Variants in HHIPL1 observed in about 807,000 individuals in gnomAD.
The protein encoded by HHIPL1 is HHIP like 1.
A neutral mutation model predicts 61.8 loss-of-function variants in HHIPL1; 43 were observed. The observed-to-expected ratio is 0.70, with a 90% confidence interval of 0.55 to 0.90. The LOEUF (loss-of-function observed/expected upper bound fraction) is 0.90. HHIPL1 is among the 40% of genes least tolerant of loss of function. HHIPL1 has a pLI of 0.00. For missense variants in HHIPL1, 1,056 were observed against 1,157.7 expected (o/e 0.91, Z 1.28); for synonymous variants, 482 against 515.8 (o/e 0.93, Z 0.89).
upstream of HHIPL1, among the ~76,000 whole-genome samples, chr14:99,642,330 G>A (rs2055762485): frequency 6.6e-6 from 1 of 151,830 alleles, no homozygotes; most frequent in South Asian, 2.1e-4. Flanking sequence ...TTACATCTTT[G>A]GAAATTGTTC....
At chr14:99,632,654 A>G in the HHIPL1 span, among the ~76,000 whole-genome samples, 22 of 151,726 alleles carry the variant, frequency 1.4e-4, no homozygotes, top group African/African-American at 5.1e-4. Context: ...ATCACCCCCA[A>G]CTCTTCTCGG....
the HHIPL1 span, among the ~76,000 whole-genome samples, chr14:99,613,681 G>A: frequency 1.3e-5 from 2 of 152,028 alleles, no homozygotes; most frequent in African/African-American, 2.4e-5. Flanking sequence ...GGCCGAGGTG[G>A]GCAGATCACT....
chr14:99,616,759 T>C, the HHIPL1 span, among the ~76,000 whole-genome samples: 2 of 152,176 alleles, frequency 1.3e-5, no homozygotes, highest in African/African-American at 4.8e-5. Context: ...GGACCTCTCC[T>C]TGCGACAATG....
At position 99,680,528 on chromosome 14, in the gene HHIPL1, C is replaced by T. The variant is rs1292192092; in HGVS notation, c.*4902C>T. The T allele has an allele frequency of 6.6e-6, 1 of 152,116 alleles. No homozygotes were observed. Among genetic ancestry groups the T allele is most frequent in the Non-Finnish European group, 1.5e-5 (1 of 68,030 alleles). 9.4% of individuals were successfully genotyped at this position (152,116 alleles called of 1,614,324 possible). A position where few individuals can be genotyped will look rare whatever the true frequency, so the allele number is the denominator to read the frequency against. On this transcript the variant is annotated 3_prime_UTR_variant, in exon 9 of 9. Transcript: ENST00000330710. ...GTGAGCCAAATAGGTAATTTAAAAT[C>T]TGCTTGTAGCCATGTTAAAAAAGTA...
intron 7 of HHIPL1, chr14:99,669,017 C>T: frequency 1.3e-6 from 2 of 1,516,248 alleles, no homozygotes; most frequent in Non-Finnish European, 1.8e-6. Context: ...AACCCCTTGG[C>T]TGTGTGCCTT....
Position 99,680,114 on chromosome 14 carries a change from G to A in HHIPL1, c.*4488G>A, listed in dbSNP as rs892642680. The A allele has an allele frequency of 3.3e-5, 5 of 152,106 alleles. No homozygotes were observed. Among genetic ancestry groups the A allele is most frequent in the Non-Finnish European group, 5.9e-5 (4 of 68,024 alleles). The allele number at this position is 152,106 out of a possible 1,614,324, so 9.4% of individuals were successfully genotyped here. A position where few individuals can be genotyped will look rare whatever the true frequency, so the allele number is the denominator to read the frequency against. On this transcript the variant is annotated 3_prime_UTR_variant, in exon 9 of 9. Coordinates refer to ENST00000330710, the MANE Select transcript of HHIPL1 (RefSeq NM_001127258.3). The stretch of plus-strand genomic sequence containing the variant: ...CTAGGGTGTTATGTAAGTGGTCCCC[G>A]GGGCTTTAGAGGCAGGTTTGCACCA...
the HHIPL1 span, among the ~76,000 whole-genome samples, chr14:99,637,210 A>AAGAG: frequency 1.2e-5 from 1 of 81,488 alleles, no homozygotes; most frequent in Non-Finnish European, 2.8e-5. Flanking sequence ...GGAAGAAAGA[A>AAGAG]AGAAAGAAAG....
chr14:99,674,354 C>T (rs2056361684), intron 8 of HHIPL1, among the ~76,000 whole-genome samples: 1 of 151,976 alleles, frequency 6.6e-6, no homozygotes, highest in Non-Finnish European at 1.5e-5. Context: ...AAGCGTGTCC[C>T]CACATTCTGC....
Position 99,660,173 on chromosome 14 carries a change from C to G in HHIPL1, c.1376-107C>G. 2.9e-6 allele frequency: 4 copies of G among 1,373,630 alleles called. No homozygotes were observed. Among genetic ancestry groups the G allele is most frequent in the Admixed American group, 2.0e-5 (1 of 50,602 alleles). The allele number at this position is 1,373,630 out of a possible 1,614,324, so 85.1% of individuals were successfully genotyped here. On this transcript the variant is annotated intron_variant, in intron 4 of 8. Coordinates refer to ENST00000330710, the MANE Select transcript of HHIPL1 (RefSeq NM_001127258.3). The surrounding 1 kb of genome is among the most constrained non-coding windows in gnomAD (Gnocchi z 4.9). ...CGCCAGCCCTGCTGTGGGCACGCCC[C>G]TCCCTCCGTGGCCGCCCCACCCCCG...
chr14:99,671,467 TTG>T (rs2056325761), intron 7 of HHIPL1, among the ~76,000 whole-genome samples: 1 of 152,210 alleles, frequency 6.6e-6, no homozygotes, highest in Non-Finnish European at 1.5e-5. Flanking sequence ...TGTCCCTCTT[TTG>T]TGTCCCTCTT....
the HHIPL1 span, among the ~76,000 whole-genome samples, chr14:99,607,570 G>A: frequency 6.6e-6 from 1 of 152,132 alleles, no homozygotes; most frequent in Non-Finnish European, 1.5e-5. Context: ...GCTAATACAT[G>A]GTAGACAAAA....
At chr14:99,664,346 C>T (rs188765854) in intron 6 of HHIPL1, among the ~76,000 whole-genome samples, 71 of 152,348 alleles carry the variant, frequency 4.7e-4, no homozygotes, top group African/African-American at 1.5e-3. Flanking sequence ...CATTCCTAAG[C>T]CCTCTGGGCC....
At chr14:99,667,314 T>C (rs1231776966) in intron 6 of HHIPL1, among the ~76,000 whole-genome samples, 1 of 141,660 alleles carries the variant, frequency 7.1e-6, no homozygotes, top group East Asian at 2.2e-4. Context: ...TTGACTTCTC[T>C]GAGCCTCTTT....
Position 99,675,226 on chromosome 14 carries a change from G to A in HHIPL1, c.1949G>A (p.Ser650Asn), listed in dbSNP as rs2056374289. 3.3e-6 allele frequency: 4 copies of A among 1,200,508 alleles called. No homozygotes were observed. The South Asian group carries it at 1.6e-4, about 48-fold the overall frequency. 74.4% of individuals were successfully genotyped at this position (1,200,508 alleles called of 1,614,324 possible). ...GCGCGGCCCACCCAGCAGCCAGGGA[G>A]CCGGAGGGGCGGCGGGCGGCGGCGG... ...RPARPTQQPG[S>N]RRGGGRRRGR... The change falls in exon 9 of 9, where the codon AGC becomes AAC. Residue 650 changes from serine to asparagine, a missense_variant. By Grantham distance (46) the Ser-to-Asn change is conservative. Transcript: ENST00000330710. This position sits in a 1 kb window ranked among gnomAD's most constrained non-coding sequence, Gnocchi z 5.4.
the HHIPL1 span, among the ~76,000 whole-genome samples, chr14:99,637,216 GAAAGAAAGA>G: frequency 4.9e-5 from 6 of 121,736 alleles, no homozygotes; most frequent in African/African-American, 1.0e-4. Context: ...AAGAAAGAAA[GAAAGAAAGA>G]AAGAAAGAAA....
intron 6 of HHIPL1, 75 bp downstream of exon 6, chr14:99,663,096 T>C: frequency 7.1e-7 from 1 of 1,414,990 alleles, no homozygotes; most frequent in Non-Finnish European, 9.5e-7. Context: ...GTCCTTCTGG[T>C]CTCTGATGTA....
the HHIPL1 span, among the ~76,000 whole-genome samples, chr14:99,638,288 G>A: frequency 1.1e-4 from 16 of 152,304 alleles, no homozygotes; most frequent in East Asian, 1.9e-4. Context: ...TGGGCCCTGC[G>A]GAGAACAGAT....
intron 5 of HHIPL1, among the ~76,000 whole-genome samples, chr14:99,661,992 A>C (rs1158912169): frequency 6.6e-6 from 1 of 152,120 alleles, no homozygotes; most frequent in African/African-American, 2.4e-5. Context: ...CCATCTGGAA[A>C]ATGGGTACAG....
the HHIPL1 span, among the ~76,000 whole-genome samples, chr14:99,636,184 G>C: frequency 6.6e-6 from 1 of 152,168 alleles, no homozygotes; most frequent in African/African-American, 2.4e-5. Context: ...GTGGGTGTGA[G>C]TGGGAAGGGA....
Sources: gnomAD v4.1 joint callset for allele counts (sites outside exome capture counted in the v4.1 genomes callset) on GRCh38, gnomAD v4.1.1 for gene constraint, Gnocchi (gnomAD v3.1) non-coding constraint, MANE v1.5 for transcripts, NCBI Gene and HGNC (gene_info 2026-07-23, HGNC 2026-07-21) for gene names.